DDX60: variants seen among roughly 807,000 people sequenced by gnomAD.
The protein encoded by DDX60 is DExD/H-box helicase 60.
Under a neutral mutation model 212.8 loss-of-function variants are expected in DDX60, and 165 were observed. That is an observed-to-expected ratio of 0.78 (90% CI 0.68 to 0.88). The LOEUF (loss-of-function observed/expected upper bound fraction) is 0.88. DDX60 is among the 40% of genes least tolerant of loss of function. The probability of loss-of-function intolerance (pLI) is 0.00; values close to 1 mark genes in which losing one functional copy is unlikely to be tolerated. For missense variants in DDX60, 1,905 were observed against 2,003.9 expected (o/e 0.95, Z 0.94); for synonymous variants, 703 against 685.3 (o/e 1.03, Z -0.40).
intron 9 of DDX60, among the ~76,000 whole-genome samples, chr4:168,287,751 T>C (rs1226424265): frequency 2.6e-5 from 4 of 152,066 alleles, no homozygotes; most frequent in Admixed American, 2.6e-4. Flanking sequence ...TAAGAAAAGA[T>C]TTTAAAGAAA....
chr4:168,318,506 C>G (rs2149561809), intron 1 of DDX60, 116 bp downstream of exon 1: 1 of 152,526 alleles, frequency 6.6e-6, no homozygotes, highest in African/African-American at 2.4e-5. Flanking sequence ...GATTCCCGCG[C>G]CCCGAGCCCA....
At chr4:168,231,488 C>T (rs994456344) in intron 33 of DDX60, among the ~76,000 whole-genome samples, 3 of 151,692 alleles carry the variant, frequency 2.0e-5, no homozygotes, top group African/African-American at 7.3e-5. Flanking sequence ...AAACAGAATC[C>T]AACAGCAGAT....
In DDX60 at chr4:168,273,375, T is replaced by C. The variant is rs559377590; in HGVS notation, c.2478A>G (p.Ala826=). 3.7e-6 allele frequency: 6 copies of C among 1,613,862 alleles called. No individual in the cohort carries two copies. The African/African-American group carries it at 6.7e-5, about 18-fold the overall frequency. ...TTTTCGTAAAACGATTCTGAACAGT[T>C]GCTGCCACTTGATTAACAAGGGCCT... ...PTKALVNQVA[A]TVQNRFTKNL... is the part of the protein sequence containing the mutation. The change falls in exon 18 of 38, where the codon GCA becomes GCG. Residue 826 remains alanine, a synonymous_variant. Coordinates refer to ENST00000393743, the MANE Select transcript of DDX60 (RefSeq NM_017631.6).
In DDX60 at chr4:168,232,908, CAGAGT is replaced by C. The variant is rs560934543; in HGVS notation, c.4533+3339_4533+3343del. On this transcript the variant is annotated intron_variant, in intron 33 of 37. Coordinates refer to ENST00000393743, the MANE Select transcript of DDX60 (RefSeq NM_017631.6). ...TCTGCACAGCAAAAGAAATAATCAG[CAGAGT>C]AAACAGACAGCCCACAGAGTGGGAG... 2.8e-3 allele frequency among the ~76,000 whole-genome samples: 425 copies of C among 152,128 alleles called. 1 individual carries two copies. The highest frequency in any genetic ancestry group is 9.6e-3 in the African/African-American group (399 of 41,542).
chr4:168,306,364 T>G lies in DDX60; in HGVS notation c.606+15A>C. On this transcript the variant is annotated intron_variant, in intron 5 of 37. Transcript: ENST00000393743. ...GAAAATTTCTAGAAGAAATTGTCTTTTGGATGTGAATTACCTTCCAGGAAA... is the reference window on the plus strand; with the variant it reads ...GAAAATTTCTAGAAGAAATTGTCTTGTGGATGTGAATTACCTTCCAGGAAA... 3 of 1,564,140 alleles carry G rather than the reference T, an allele frequency of 1.9e-6. No homozygotes were observed. Among genetic ancestry groups the G allele is most frequent in the South Asian group, 1.2e-5 (1 of 84,398 alleles).
At position 168,246,461 on chromosome 4, in the gene DDX60, A is replaced by G. The variant is rs1187103980; in HGVS notation, c.4121T>C (p.Leu1374Pro). ...TGGGTCATCTCCCTTGGAAGCCAGC[A>G]GCATGAGTCGCAGGACCAGGGTTAT... ...LSITLVLRLM[L>P]LASKGDDPED... is the part of the protein sequence containing the mutation. Residue 1374 changes from leucine to proline, a missense_variant, in exon 30 of 38, where the codon CTG becomes CCG. Transcript: ENST00000393743. The G allele has an allele frequency of 2.5e-6, 4 of 1,614,058 alleles. No homozygotes were observed. The highest frequency in any genetic ancestry group is 3.4e-6 in the Non-Finnish European group (4 of 1,179,978).
At chr4:168,271,629 C>CAA (rs1735101454) in intron 19 of DDX60, among the ~76,000 whole-genome samples, 1 of 152,194 alleles carries the variant, frequency 6.6e-6, no homozygotes, top group Non-Finnish European at 1.5e-5. Flanking sequence ...TATTGCATTT[C>CAA]AAGAGTGTCA....
chr4:168,256,262 C>A (rs1247149582), intron 25 of DDX60, among the ~76,000 whole-genome samples: 1 of 151,800 alleles, frequency 6.6e-6, no homozygotes, highest in Non-Finnish European at 1.5e-5. Flanking sequence ...GATAGCTATC[C>A]CCAACACCAC....
At chr4:168,297,012 G>A (rs747512978) in intron 6 of DDX60, among the ~76,000 whole-genome samples, 7 of 151,352 alleles carry the variant, frequency 4.6e-5, no homozygotes, top group Non-Finnish European at 7.4e-5. Context: ...CCAGGTTCAC[G>A]CGATTCTCCT....
rs544148106 is a variant in DDX60, at chr4:168,311,334, C to T, written c.-75G>A. 2 of 1,508,042 alleles carry T rather than the reference C, an allele frequency of 1.3e-6. No homozygotes were observed. Among genetic ancestry groups the T allele is most frequent in the South Asian group, 1.2e-5 (1 of 83,620 alleles). 93.4% of individuals were successfully genotyped at this position (1,508,042 alleles called of 1,614,324 possible). A position where few individuals can be genotyped will look rare whatever the true frequency, so the allele number is the denominator to read the frequency against. On this transcript the variant is annotated 5_prime_UTR_variant, in exon 2 of 38. Transcript: ENST00000393743. ...GCAAATACCCTTTATTTTGGTACCTCTAAGTGGCAGTTCTTAATGAAAATG... is the reference window on the plus strand; with the variant it reads ...GCAAATACCCTTTATTTTGGTACCTTTAAGTGGCAGTTCTTAATGAAAATG...
intron 27 of DDX60, among the ~76,000 whole-genome samples, chr4:168,251,722 C>T (rs921376820): frequency 6.6e-6 from 1 of 151,914 alleles, no homozygotes; most frequent in East Asian, 1.9e-4. Flanking sequence ...AAATGATGAT[C>T]GAAATACATG....
At chr4:168,299,961 A>T (rs1736577111) in intron 6 of DDX60, among the ~76,000 whole-genome samples, 1 of 152,200 alleles carries the variant, frequency 6.6e-6, no homozygotes, top group Non-Finnish European at 1.5e-5. Context: ...AACATACCAC[A>T]CTGACATCTA....
chr4:168,229,633 G>A (rs991485164), intron 33 of DDX60, among the ~76,000 whole-genome samples: 1 of 152,012 alleles, frequency 6.6e-6, no homozygotes, highest in African/African-American at 2.4e-5. Context: ...AAAGTTTTCA[G>A]CCCTGCTCAC....
At chr4:168,297,312 AAG>A (rs1480391714) in intron 6 of DDX60, among the ~76,000 whole-genome samples, 1 of 40,196 alleles carries the variant, frequency 2.5e-5, no homozygotes, top group African/African-American at 2.4e-4. Context: ...GAAAGAAAGA[AAG>A]AAAGAAAGAA....
At chr4:168,217,830 C>A (rs539834278) in intron 37 of DDX60, among the ~76,000 whole-genome samples, 1 of 152,050 alleles carries the variant, frequency 6.6e-6, no homozygotes, top group African/African-American at 2.4e-5. Flanking sequence ...GTAGATTGTC[C>A]CTTAAGAGCC....
chr4:168,301,579 A>G (rs1736648865), intron 6 of DDX60, among the ~76,000 whole-genome samples: 1 of 151,854 alleles, frequency 6.6e-6, no homozygotes, highest in Non-Finnish European at 1.5e-5. Context: ...ATCCATACTG[A>G]CATAAATAAA....
At chr4:168,256,180 C>T (rs1469566714) in intron 25 of DDX60, among the ~76,000 whole-genome samples, 20 of 139,770 alleles carry the variant, frequency 1.4e-4, no homozygotes, top group African/African-American at 5.3e-5. Context: ...TAAGAGTAGT[C>T]AAATATTCCA....
chr4:168,288,439 C>T (rs1289174347), intron 8 of DDX60, 124 bp from the exon 9 acceptor site: 6 of 595,066 alleles, frequency 1.0e-5, no homozygotes, highest in East Asian at 3.5e-5. Context: ...TTAGGCAAGC[C>T]CATTCAGGCT....
chr4:168,292,962 G>T (rs1326949189), intron 7 of DDX60, among the ~76,000 whole-genome samples: 2 of 152,268 alleles, frequency 1.3e-5, no homozygotes, highest in Non-Finnish European at 2.9e-5. Context: ...AGGATGCTAA[G>T]TAAAAGATAA....
Sources: gnomAD v4.1 joint callset for allele counts (sites outside exome capture counted in the v4.1 genomes callset) on GRCh38, gnomAD v4.1.1 for gene constraint, MANE v1.5 for transcripts, NCBI Gene and HGNC (gene_info 2026-07-23, HGNC 2026-07-21) for gene names.